Variants in BAIAP3 observed in about 807,000 individuals in gnomAD.
BAIAP3 encodes the protein BAI1-associated protein 3.
A neutral mutation model predicts 149.7 loss-of-function variants in BAIAP3; 180 were observed. The observed-to-expected ratio is 1.20, with a 90% CI of 1.07 to 1.36. The LOEUF (loss-of-function observed/expected upper bound fraction) is 1.36. Ranked by LOEUF, BAIAP3 falls within the 40% of genes most tolerant of loss-of-function variation. The pLI is 0.00. For missense variants in BAIAP3, 1,767 were observed against 1,563.4 expected (o/e 1.13, Z -2.20); for synonymous variants, 845 against 670.7 (o/e 1.26, Z -4.02).
In BAIAP3 at chr16:1,341,479, C is replaced by G; in HGVS notation, c.721C>G (p.His241Asp). 6.2e-7 allele frequency: 1 copy of G among 1,609,092 alleles called. No individual in the cohort carries two copies. The highest frequency in any genetic ancestry group is 8.5e-7 in the Non-Finnish European group (1 of 1,177,338). Residue 241 changes from histidine to aspartate, a missense_variant, in exon 8 of 34, where the codon CAC becomes GAC. By Grantham distance (81) the His-to-Asp change is moderately conservative. Coordinates refer to ENST00000426824, the MANE Select transcript of BAIAP3 (RefSeq NM_001199097.2). Reference protein sequence around the residue: ...SSTLNPVWKEHFLFEIEDVST... With the variant: ...SSTLNPVWKEDFLFEIEDVST... ...CACCCTGAACCCCGTCTGGAAGGAG[C>G]ACTTCCTCTTGTGAGGCCCTCGCCC...
chr16:1,347,754 G>GGCGGCTGAGCA lies in BAIAP3; in HGVS notation c.2966_2976dup (p.Ala993SerfsTer22). ...GCCTGAGCGTCCGTTGCCATTACGAGGCGGCTGAGCAGCGGCTGGCCGTGG... is the reference window on the plus strand; with the variant it reads ...GCCTGAGCGTCCGTTGCCATTACGAGGCGGCTGAGCAGCGGCTGAGCAGCGGCTGGCCGTGG... On this transcript the variant is annotated frameshift_variant, in exon 31 of 34. Coordinates refer to ENST00000426824, the MANE Select transcript of BAIAP3 (RefSeq NM_001199097.2). LOFTEE classifies it high-confidence loss of function. 3 of 1,609,928 alleles carry GGCGGCTGAGCA rather than the reference G, an allele frequency of 1.9e-6. No individual in the cohort carries two copies. The highest frequency in any genetic ancestry group is 4.5e-5 in the East Asian group (2 of 44,768).
At chr16:1,338,449 T>TCC in intron 1 of BAIAP3, 91 bp from the exon 2 acceptor site, 11 of 285,974 alleles carry the variant, frequency 3.8e-5, no homozygotes, top group South Asian at 9.6e-5. Context: ...CCCCACCTCT[T>TCC]CCCGCCCCAC....
chr16:1,344,965 A>G lies in BAIAP3; in HGVS notation c.1810-4A>G. The G allele has an allele frequency of 6.2e-7, 1 of 1,613,210 alleles. No homozygotes were observed. Among genetic ancestry groups the G allele is most frequent in the Non-Finnish European group, 8.5e-7 (1 of 1,179,980 alleles). Reference sequence around the variant, plus strand: ...TGGAGGCCTGATCCTGCTGTCCCGGACAGGTGGCTGAGGAGGCGTGGGTGC... The same window carrying G: ...TGGAGGCCTGATCCTGCTGTCCCGGGCAGGTGGCTGAGGAGGCGTGGGTGC... On this transcript the variant is annotated splice_polypyrimidine_tract_variant and splice_region_variant and intron_variant, in intron 20 of 33. Transcript: ENST00000426824.
chr16:1,339,561 C>G lies in BAIAP3; in HGVS notation c.366C>G (p.Asp122Glu). The change falls in exon 5 of 34, where the codon GAC becomes GAG. Residue 122 changes from aspartate (D) to glutamate (E), a missense_variant. Physicochemically the swap from Asp to Glu is conservative, Grantham distance 45 (BLOSUM62 2). Transcript: ENST00000426824. ...ACCGCGCGGGTACCATGGGCCCTGA[C>G]CAGGTGGACGACGAGGAGGCCCTGC... ...VLYRAGTMGP[D>E]QVDDEEALLS... The G allele has an allele frequency of 1.9e-6, 3 of 1,612,652 alleles. No homozygotes were observed. The highest frequency in any genetic ancestry group is 2.5e-6 in the Non-Finnish European group (3 of 1,179,806).
rs757711817 is a variant in BAIAP3 at position 1,343,521 on chromosome 16, C to T, written c.1386+8C>T. ...TCACTGCCCCAGGAGCAGGTGGGTG[C>T]AGCCGGGACCTTCTTGCCAGCCATG... On this transcript the variant is annotated splice_region_variant and intron_variant, in intron 15 of 33. Coordinates refer to ENST00000426824, the MANE Select transcript of BAIAP3 (RefSeq NM_001199097.2). 1.2e-6 allele frequency: 2 copies of T among 1,605,634 alleles called. No individual in the cohort carries two copies. The highest frequency in any genetic ancestry group is 1.3e-5 in the African/African-American group (1 of 74,832).
At position 1,347,600 on chromosome 16, in the gene BAIAP3, A is replaced by C. The variant is rs749831259; in HGVS notation, c.2879A>C (p.Gln960Pro). 1 of 1,613,042 alleles carries C rather than the reference A, an allele frequency of 6.2e-7. No homozygotes were observed. The highest frequency in any genetic ancestry group is 8.5e-7 in the Non-Finnish European group (1 of 1,179,958). The change falls in exon 30 of 34, where the codon CAG becomes CCG. Residue 960 changes from glutamine (Q) to proline (P), a missense_variant. Physicochemically the swap from Gln to Pro is moderately conservative, Grantham distance 76 (BLOSUM62 -1). Coordinates refer to ENST00000426824, the MANE Select transcript of BAIAP3 (RefSeq NM_001199097.2). ...HKCSTRECIE[Q>P]FYLDKLKQRT... ...TGTTCCACCCGCGAGTGCATCGAGC[A>C]GTTCTACCTGGACAAGCTCAAACAG...
In BAIAP3 at chr16:1,342,518, T is replaced by C; in HGVS notation, c.958-9T>C. The C allele has an allele frequency of 1.9e-6, 3 of 1,550,776 alleles. No individual in the cohort carries two copies. The highest frequency in any genetic ancestry group is 1.7e-6 in the Non-Finnish European group (2 of 1,147,240). On this transcript the variant is annotated splice_polypyrimidine_tract_variant and intron_variant, in intron 11 of 33. Coordinates refer to ENST00000426824, the MANE Select transcript of BAIAP3 (RefSeq NM_001199097.2). ...AGTCTGGTGGGCCTGACCCCCATGC[T>C]ACCCCCAGGAGGTGCCTGTGGCTGG...
intron 5 of BAIAP3, among the ~76,000 whole-genome samples, chr16:1,340,659 A>T (rs755617547): frequency 6.6e-6 from 1 of 152,182 alleles, no homozygotes. Context: ...TTCCACCTGC[A>T]TGTGCTCTGA....
chr16:1,345,538 A>AGCAACCCCAGCCTCCTCC, intron 22 of BAIAP3, 166 bp downstream of exon 22: 1 of 229,318 alleles, frequency 4.4e-6, no homozygotes. Context: ...CAGCCTCCCC[A>AGCAACCCCAGCCTCCTCC]GCAACCCCAG....
intron 5 of BAIAP3, among the ~76,000 whole-genome samples, chr16:1,340,115 G>A (rs2033794604): frequency 7.0e-6 from 1 of 143,088 alleles, no homozygotes; most frequent in Non-Finnish European, 1.5e-5. Context: ...CAGGCTGCAG[G>A]TGCACACAGA....
rs79669784 is a variant in BAIAP3 at position 1,348,558 on chromosome 16, C to T, written c.*76C>T. ...GCATCCTCCAGCTCACTGTGGCCAG[C>T]TTTGTGCAACCAGGGCCCACGGCGC... On this transcript the variant is annotated 3_prime_UTR_variant, in exon 34 of 34. Coordinates refer to ENST00000426824, the MANE Select transcript of BAIAP3 (RefSeq NM_001199097.2). 178 of 1,430,060 alleles carry T rather than the reference C, an allele frequency of 1.2e-4. 1 individual carries two copies. In the East Asian group the frequency reaches 4.3e-3, roughly 34 times the overall value. The allele number at this position is 1,430,060 out of a possible 1,614,324, so 88.6% of individuals were successfully genotyped here. A position where few individuals can be genotyped will look rare whatever the true frequency, so the allele number is the denominator to read the frequency against.
In BAIAP3 at chr16:1,345,734, C is replaced by T. The variant is rs1204077055; in HGVS notation, c.2065-13C>T. ...TGCCTCCCCAGCAAACCCAGCCTCC[C>T]CTGCCTCCCTAGCTGGAGCCCGTGG... On this transcript the variant is annotated splice_polypyrimidine_tract_variant and intron_variant, in intron 22 of 33. Transcript: ENST00000426824. 7 of 1,527,318 alleles carry T rather than the reference C, an allele frequency of 4.6e-6. No individual in the cohort carries two copies. The highest frequency in any genetic ancestry group is 4.4e-6 in the Non-Finnish European group (5 of 1,143,686). The allele number at this position is 1,527,318 out of a possible 1,614,324, so 94.6% of individuals were successfully genotyped here. A position where few individuals can be genotyped will look rare whatever the true frequency, so the allele number is the denominator to read the frequency against.
At chr16:1,340,865 T>C in intron 5 of BAIAP3, 57 bp from the exon 6 acceptor site, 3 of 1,530,928 alleles carry the variant, frequency 2.0e-6, no homozygotes, top group Non-Finnish European at 2.7e-6. Flanking sequence ...CCCAGCACAG[T>C]GGCCAGCCTC....
chr16:1,339,080 C>T (rs769053311), intron 3 of BAIAP3, 84 bp from the exon 4 acceptor site: 118 of 1,596,380 alleles, frequency 7.4e-5, no homozygotes, highest in Middle Eastern at 1.7e-4. Flanking sequence ...TCGCTCCCAC[C>T]TCCTGGGGCA....
chr16:1,345,027 T>G lies in BAIAP3; in HGVS notation c.1868T>G (p.Val623Gly), dbSNP rs2034215068. 1 of 1,612,216 alleles carries G rather than the reference T, an allele frequency of 6.2e-7. No individual in the cohort carries two copies. ...CTGAGCCCCAAGATGACCCTGGAGG[T>G]GGCCTCGGGGCTCTTTGAGCTCTAC... is the stretch of plus-strand genomic sequence containing the variant. ...EELSPKMTLEVASGLFELYLT... is the reference protein window; with the variant it reads ...EELSPKMTLEGASGLFELYLT... The change falls in exon 21 of 34, where the codon GTG becomes GGG. Residue 623 changes from valine (V) to glycine (G), a missense_variant. Physicochemically the swap from Val to Gly is moderately radical, Grantham distance 109 (BLOSUM62 -3). Coordinates refer to ENST00000426824, the MANE Select transcript of BAIAP3 (RefSeq NM_001199097.2).
intron 21 of BAIAP3, 33 bp from the exon 22 acceptor site, chr16:1,345,216 C>G: frequency 6.2e-7 from 1 of 1,611,014 alleles, no homozygotes; most frequent in Non-Finnish European, 8.5e-7. Flanking sequence ...GTGTCTGAGT[C>G]AGGGCCGAGC....
intron 21 of BAIAP3, 69 bp downstream of exon 21, chr16:1,345,168 C>G: frequency 6.2e-7 from 1 of 1,609,938 alleles, no homozygotes; most frequent in Non-Finnish European, 8.5e-7. Flanking sequence ...GTGAGGGGGA[C>G]GGTCCTGGAG....
Position 1,343,529 on chromosome 16 carries a change from A to T in BAIAP3, c.1386+16A>T. On this transcript the variant is annotated intron_variant, in intron 15 of 33. Transcript: ENST00000426824. ...CCAGGAGCAGGTGGGTGCAGCCGGG[A>T]CCTTCTTGCCAGCCATGGCGAAGGG... 1.2e-6 allele frequency: 2 copies of T among 1,604,698 alleles called. No individual in the cohort carries two copies. The highest frequency in any genetic ancestry group is 1.7e-6 in the Non-Finnish European group (2 of 1,177,220).
chr16:1,340,184 C>T (rs2033807484), intron 5 of BAIAP3, among the ~76,000 whole-genome samples: 1 of 104,958 alleles, frequency 9.5e-6, no homozygotes, highest in Non-Finnish European at 1.8e-5. Context: ...TGCAGGTGCA[C>T]ACAGACACAC....
Sources: allele counts gnomAD v4.1 joint callset (sites outside exome capture counted in the v4.1 genomes callset), GRCh38; gene constraint gnomAD v4.1.1; transcripts MANE v1.5; gene names NCBI Gene and HGNC (gene_info 2026-07-23, HGNC 2026-07-21).